MRO: variants seen among roughly 807,000 people sequenced by gnomAD.
The protein encoded by MRO is protein maestro.
A neutral mutation model predicts 31.0 loss-of-function variants in MRO; 28 were observed. That is an observed-to-expected ratio of 0.90 (90% CI 0.67 to 1.24). MRO has a LOEUF of 1.24. Ranked by LOEUF, MRO falls within the 50% of genes most tolerant of loss-of-function variation. The pLI is 0.00. For missense variants in MRO, 332 were observed against 289.2 expected (o/e 1.15, Z -1.07); for synonymous variants, 108 against 108.4 (o/e 1.00, Z 0.02).
chr18:50,801,311 G>T (rs1281267769), intron 6 of MRO, 38 bp downstream of exon 6: 2 of 1,519,476 alleles, frequency 1.3e-6, no homozygotes, highest in Admixed American at 4.1e-5. Flanking sequence ...GAATAGCATG[G>T]AGATGTCACT....
chr18:50,803,266 T>C (rs984179723), intron 5 of MRO, among the ~76,000 whole-genome samples: 4 of 152,012 alleles, frequency 2.6e-5, no homozygotes, highest in South Asian at 4.2e-4. Flanking sequence ...TCCCAGCCCT[T>C]TGGGAGGCCG....
In MRO at chr18:50,801,450, A is replaced by G. The variant is rs773780991; in HGVS notation, c.484T>C (p.Phe162Leu). The change falls in exon 6 of 8, where the codon TTT (phenylalanine) becomes CTT (leucine). Residue 162 changes from phenylalanine (F) to leucine (L), a missense_variant. Physicochemically the swap from Phe to Leu is conservative, Grantham distance 22. Coordinates refer to ENST00000398439, the MANE Select transcript of MRO (RefSeq NM_031939.6). ...AFVLFGQLAA[F>L]AGRKWKKFFT... The stretch of plus-strand genomic sequence containing the variant: ...AATTTTTTCCATTTCCTCCCGGCAA[A>G]GGCAGCCAATTGCCCAAACAAAACA... 9.9e-6 allele frequency: 16 copies of G among 1,612,826 alleles called. No homozygotes were observed. Among genetic ancestry groups the G allele is most frequent in the Middle Eastern group, 1.7e-4 (1 of 6,058 alleles).
chr18:50,817,132 C>A (rs1043531495), intron 2 of MRO, among the ~76,000 whole-genome samples: 4 of 152,168 alleles, frequency 2.6e-5, no homozygotes, highest in African/African-American at 9.7e-5. Flanking sequence ...AAGATTCGAT[C>A]TGTGATTAGA....
At chr18:50,815,420 G>A (rs1478039216) in intron 2 of MRO, 1 of 248,232 alleles carries the variant, frequency 4.0e-6, no homozygotes, top group Non-Finnish European at 8.2e-6. Context: ...GGATAGAATG[G>A]ATTTGGAGGT....
rs79545276 is a variant in MRO, at chr18:50,797,648, C to A, written c.*1689G>T. ...ACCCTATCCCCACCTTTTTGAATGCCAGCCACATGCAGCCATTTCTCAGAC... is the reference window on the plus strand; with the variant it reads ...ACCCTATCCCCACCTTTTTGAATGCAAGCCACATGCAGCCATTTCTCAGAC... On this transcript the variant is annotated 3_prime_UTR_variant, in exon 8 of 8. Transcript: ENST00000398439. 1 of 152,252 alleles carries A rather than the reference C, an allele frequency of 6.6e-6. No homozygotes were observed. The highest frequency in any genetic ancestry group is 1.5e-5 in the Non-Finnish European group (1 of 68,060). The allele number at this position is 152,252 out of a possible 1,614,324, so 9.4% of individuals were successfully genotyped here.
upstream of MRO, chr18:50,820,061 C>A (rs1445561885): frequency 1.8e-6 from 2 of 1,141,422 alleles, no homozygotes; most frequent in Non-Finnish European, 2.6e-6. Flanking sequence ...TGCCAAGGCC[C>A]GTTCCCCATG....
upstream of MRO, among the ~76,000 whole-genome samples, chr18:50,822,301 T>TGTGTGC (rs1915330475): frequency 4.2e-5 from 3 of 71,602 alleles, no homozygotes; most frequent in Non-Finnish European, 7.3e-5. Context: ...ATTACATGTG[T>TGTGTGC]ATTACAATGT....
intron 5 of MRO, among the ~76,000 whole-genome samples, chr18:50,804,575 G>A (rs899770773): frequency 2.0e-5 from 3 of 151,208 alleles, no homozygotes; most frequent in East Asian, 3.9e-4. Context: ...GCAGTGAGCC[G>A]AGATCACACC....
chr18:50,809,872 C>T lies in MRO; in HGVS notation c.-4-468G>A, dbSNP rs554240824. On this transcript the variant is annotated intron_variant, in intron 2 of 7. Coordinates refer to ENST00000398439, the MANE Select transcript of MRO (RefSeq NM_031939.6). Reference sequence around the variant, plus strand: ...AATTCTTTAATCCTATAGATATGAACACATCATATGTTCAAAGATATACAC... The same window carrying T: ...AATTCTTTAATCCTATAGATATGAATACATCATATGTTCAAAGATATACAC... Among the ~76,000 whole-genome samples, 14 of 152,284 alleles carry T rather than the reference C, an allele frequency of 9.2e-5. No homozygotes were observed. The South Asian group carries it at 2.7e-3, about 29-fold the overall frequency.
At chr18:50,814,191 G>A (rs1914700760) in intron 2 of MRO, among the ~76,000 whole-genome samples, 1 of 152,040 alleles carries the variant, frequency 6.6e-6, no homozygotes, top group Admixed American at 6.6e-5. Flanking sequence ...TGTTGAACGA[G>A]GGGTTGAACA....
Position 50,809,142 on chromosome 18 carries a change from CTCAA to C in MRO, c.99+156_99+159del, listed in dbSNP as rs1277870804. ...CCTGGGCGACAGAGCGAGACTCCGT[CTCAA>C]AAAAAAAAAAAAAAAAAAAAAAAAA... On this transcript the variant is annotated intron_variant, in intron 3 of 7. Transcript: ENST00000398439. Among the ~76,000 whole-genome samples, 134 of 66,472 alleles carry C rather than the reference CTCAA, an allele frequency of 2.0e-3. 3 individuals are homozygous for C. Among genetic ancestry groups the C allele is most frequent in the Non-Finnish European group, 2.8e-3 (90 of 32,208 alleles). 43.6% of individuals were successfully genotyped at this position (66,472 alleles called of 152,430 possible).
At chr18:50,806,623 A>G in intron 4 of MRO, 81 bp downstream of exon 4, 3 of 1,537,136 alleles carry the variant, frequency 2.0e-6, no homozygotes, top group Non-Finnish European at 2.7e-6. Flanking sequence ...AACAGACACC[A>G]TACTCCAGCC....
Position 50,803,997 on chromosome 18 carries a change from C to T in MRO, c.429+1157G>A, listed in dbSNP as rs192116752. On this transcript the variant is annotated intron_variant, in intron 5 of 7. Coordinates refer to ENST00000398439, the MANE Select transcript of MRO (RefSeq NM_031939.6). ...TGTGCCGGTGCACTTTTTGCTTAGC[C>T]TGATTTGTCATCTGGTAGTTGAGTG... is the stretch of plus-strand genomic sequence containing the variant. 3.3e-5 allele frequency among the ~76,000 whole-genome samples: 5 copies of T among 151,994 alleles called. No homozygotes were observed. The East Asian group carries it at 5.8e-4, about 18-fold the overall frequency.
upstream of MRO, among the ~76,000 whole-genome samples, chr18:50,823,081 A>G (rs745602634): frequency 1.6e-4 from 25 of 152,156 alleles, no homozygotes; most frequent in Non-Finnish European, 3.4e-4. Context: ...ACAGAGAGGC[A>G]TATGAGAAAT....
chr18:50,806,700 C>T lies in MRO; in HGVS notation c.246+4G>A. The T allele has an allele frequency of 1.2e-6, 2 of 1,614,106 alleles. No homozygotes were observed. Among genetic ancestry groups the T allele is most frequent in the Non-Finnish European group, 1.7e-6 (2 of 1,180,020 alleles). Reference sequence around the variant, plus strand: ...GCTGGCTGAGCCCCACTCTCCTTCCCTACCTTGTCAGGGGCTTCATAGGCC... The same window carrying T: ...GCTGGCTGAGCCCCACTCTCCTTCCTTACCTTGTCAGGGGCTTCATAGGCC... On this transcript the variant is annotated splice_donor_region_variant and intron_variant, in intron 4 of 7. Transcript: ENST00000398439.
intron 6 of MRO, among the ~76,000 whole-genome samples, chr18:50,800,749 G>T (rs929991958): frequency 6.6e-6 from 1 of 151,972 alleles, no homozygotes; most frequent in Non-Finnish European, 1.5e-5. Flanking sequence ...AGCAGGGCGT[G>T]GTGGTGGGCA....
chr18:50,822,367 C>A (rs1231030764), upstream of MRO, among the ~76,000 whole-genome samples: 1 of 152,194 alleles, frequency 6.6e-6, no homozygotes, highest in Non-Finnish European at 1.5e-5. Context: ...GAGACAGGGT[C>A]TCACTCTGTC....
chr18:50,804,307 G>C (rs887552029), intron 5 of MRO, among the ~76,000 whole-genome samples: 1 of 152,192 alleles, frequency 6.6e-6, no homozygotes, highest in African/African-American at 2.4e-5. Flanking sequence ...ATCATCATCA[G>C]TGTAAATATA....
intron 5 of MRO, 94 bp downstream of exon 5, chr18:50,805,060 A>T: frequency 1.9e-6 from 2 of 1,046,134 alleles, no homozygotes; most frequent in Non-Finnish European, 2.9e-6. Context: ...CAAAGTGCTG[A>T]GATTACAGGC....
Sources: allele counts gnomAD v4.1 joint callset (sites outside exome capture counted in the v4.1 genomes callset), GRCh38; gene constraint gnomAD v4.1.1; transcripts MANE v1.5; gene names NCBI Gene and HGNC (gene_info 2026-07-23, HGNC 2026-07-21).